TTN: variants seen among roughly 807,000 people sequenced by gnomAD.
TTN encodes connectin.
A neutral mutation model predicts 3,223.0 loss-of-function variants in TTN; 1,525 were observed. The ratio of observed to expected loss-of-function variants is 0.47; its 90% CI spans 0.45 to 0.49. TTN has a LOEUF of 0.49. Among genes scored for constraint, TTN ranks in the 20% least tolerant of loss-of-function variants. The pLI is 0.00. For missense variants in TTN, 40,786 were observed against 43,424.0 expected, an observed-to-expected ratio of 0.94 and a Z score of 5.40; for synonymous variants, 14,094 against 15,161.0, an observed-to-expected ratio of 0.93 and a Z score of 5.17.
intron 23 of TTN, 43 bp from the exon 24 acceptor site, chr2:178,779,161 A>G: frequency 1.2e-6 from 2 of 1,612,866 alleles, no homozygotes; most frequent in Non-Finnish European, 1.7e-6. Flanking sequence ...TTTACATCAA[A>G]TAGTTATATT....
intron 357 of TTN, 28 bp downstream of exon 357, chr2:178,535,954 A>G (rs1691296490): frequency 6.6e-7 from 1 of 1,522,614 alleles, no homozygotes; most frequent in African/African-American, 1.4e-5. Context: ...ATTTAGCCTC[A>G]ACTTGATGAT....
chr2:178,611,384 T>C lies in TTN; in HGVS notation c.50845A>G (p.Lys16949Glu), dbSNP rs1368701506. ...PSEISENVVA[K>E]DPDCKPTIDL... is the part of the protein sequence containing the mutation. ...CTTGTGCTCTTACAGTCTGGGTCTT[T>C]GGCAACCACATTTTCAGAGATTTCA... The change falls in exon 269 of 363, where the codon AAA (lysine) becomes GAA (glutamate). Residue 16949 changes from lysine (K) to glutamate (E), a missense_variant. Lys to Glu is a moderately conservative substitution (Grantham distance 56). Coordinates refer to ENST00000589042, the MANE Select transcript of TTN (RefSeq NM_001267550.2). The C allele has an allele frequency of 6.2e-7, 1 of 1,612,822 alleles. No individual in the cohort carries two copies. The highest frequency in any genetic ancestry group is 1.1e-5 in the South Asian group (1 of 91,050).
intron 321 of TTN, 92 bp downstream of exon 321, chr2:178,578,519 T>A (rs2046969108): frequency 1.1e-6 from 1 of 946,998 alleles, no homozygotes; most frequent in African/African-American, 1.7e-5. Context: ...AAGCAGATAA[T>A]GTTATCGATA....
At position 178,721,944 on chromosome 2, in the gene TTN, T is replaced by A; in HGVS notation, c.22719A>T (p.Arg7573Ser). The change falls in exon 78 of 363, where the codon AGA (arginine) becomes AGT (serine). Residue 7573 changes from arginine (R) to serine (S), a missense_variant. Arg to Ser is a moderately radical substitution (Grantham distance 110). Transcript: ENST00000589042. ...ITCVGNTPHL[R>S]ILKVGKGDSG... Reference sequence around the variant, plus strand: ...AGTCTCCTTTGCCTACTTTAAGAATTCTCAAATGAGGAGTGTTTCCCACAC... The same window carrying A: ...AGTCTCCTTTGCCTACTTTAAGAATACTCAAATGAGGAGTGTTTCCCACAC... 1 of 1,613,588 alleles carries A rather than the reference T, an allele frequency of 6.2e-7. No homozygotes were observed.
chr2:178,724,440 CAG>C lies in TTN; in HGVS notation c.20933_20934del (p.Ser6978CysfsTer2), dbSNP rs765017340. ...AGCTTTCCATCCTTGTACCATTCAACAGAGAGTTCCGGAGTGCCAGCCACCTT... is the reference window on the plus strand; with the variant it reads ...AGCTTTCCATCCTTGTACCATTCAACAGAGTTCCGGAGTGCCAGCCACCTT... ...ECKVAGTPEL[S>X]VEWYKDGKLL... On this transcript the variant is annotated frameshift_variant, in exon 72 of 363. Transcript: ENST00000589042. LOFTEE classifies it high-confidence loss of function. The C allele has an allele frequency of 2.5e-6, 4 of 1,613,458 alleles. No individual in the cohort carries two copies. The highest frequency in any genetic ancestry group is 3.4e-6 in the Non-Finnish European group (4 of 1,179,552).
chr2:178,625,830 C>T (rs906497902), intron 240 of TTN, among the ~76,000 whole-genome samples: 2 of 151,974 alleles, frequency 1.3e-5, no homozygotes, highest in African/African-American at 4.8e-5. Context: ...AAATGTGGCA[C>T]ATATACACCA....
Position 178,753,118 on chromosome 2 carries a change from C to G in TTN, c.11311+6G>C, listed in dbSNP as rs1326475316. The G allele has an allele frequency of 6.2e-7, 1 of 1,607,328 alleles. No individual in the cohort carries two copies. The highest frequency in any genetic ancestry group is 2.2e-5 in the East Asian group (1 of 44,542). ...TACTTAAATCTCACATCCATTATAA[C>G]AATACCTTTCATTTCCATCTCAATC... is the stretch of plus-strand genomic sequence containing the variant. On this transcript the variant is annotated splice_donor_region_variant and intron_variant, in intron 47 of 362. Coordinates refer to ENST00000589042, the MANE Select transcript of TTN (RefSeq NM_001267550.2).
At position 178,712,337 on chromosome 2, in the gene TTN, A is replaced by G. The variant is rs1280673837; in HGVS notation, c.27585T>C (p.Cys9195=). 1 of 1,613,740 alleles carries G rather than the reference A, an allele frequency of 6.2e-7. No homozygotes were observed. The highest frequency in any genetic ancestry group is 8.5e-7 in the Non-Finnish European group (1 of 1,179,712). The change falls in exon 95 of 363, where the codon TGT becomes TGC. Residue 9195 remains cysteine, a synonymous_variant. Transcript: ENST00000589042. ...YIENASGKDS[C]SAQILILEPP... Reference sequence around the variant, plus strand: ...AACCTAGTATGAGTATTTGTGCTGAACAGGAATCTTTTCCAGAGGCATTTT... The same window carrying G: ...AACCTAGTATGAGTATTTGTGCTGAGCAGGAATCTTTTCCAGAGGCATTTT...
Position 178,608,386 on chromosome 2 carries a change from G to A in TTN, c.52497C>T (p.Ser17499=). The A allele has an allele frequency of 6.2e-7, 1 of 1,611,054 alleles. No individual in the cohort carries two copies. Among genetic ancestry groups the A allele is most frequent in the East Asian group, 2.2e-5 (1 of 44,478 alleles). The change falls in exon 275 of 363, where the codon AGC becomes AGT. Residue 17499 remains serine (S), a synonymous_variant. Transcript: ENST00000589042. ...VKWNEPKDNG[S]PILGYWLEKR... is the part of the protein sequence containing the mutation. ...TTTCAAGCCAGTAACCCAAAATGGG[G>A]CTTCCATTATCTTTTGGTTCATTCC...
Position 178,571,266 on chromosome 2 carries a change from C to T in TTN, c.74866G>A (p.Val24956Ile), listed in dbSNP as rs375784858. 6.2e-7 allele frequency: 1 copy of T among 1,613,482 alleles called. No individual in the cohort carries two copies. Among genetic ancestry groups the T allele is most frequent in the African/African-American group, 1.3e-5 (1 of 74,990 alleles). Reference sequence around the variant, plus strand: ...GGAATAGGTGTTTTATTCAACTTAACCCAGAGGATGCTATTTCTTTCCTTG... The same window carrying T: ...GGAATAGGTGTTTTATTCAACTTAATCCAGAGGATGCTATTTCTTTCCTTG... ...ERKERNSILWVKLNKTPIPQT... is the reference protein window; with the variant it reads ...ERKERNSILWIKLNKTPIPQT... Residue 24956 changes from valine to isoleucine, a missense_variant, in exon 326 of 363, where the codon GTT (valine) becomes ATT (isoleucine). Coordinates refer to ENST00000589042, the MANE Select transcript of TTN (RefSeq NM_001267550.2).
Position 178,591,113 on chromosome 2 carries a change from C to T in TTN, c.60612G>A (p.Val20204=), listed in dbSNP as rs897086744. The change falls in exon 304 of 363, where the codon GTG becomes GTA. Residue 20204 remains valine, a synonymous_variant. Transcript: ENST00000589042. Reference sequence around the variant, plus strand: ...CTTGTTTCTCAACAATATAATTTATCACAGGGCTTCCTCCATCATCCTTAG... The same window carrying T: ...CTTGTTTCTCAACAATATAATTTATTACAGGGCTTCCTCCATCATCCTTAG... The part of the protein sequence containing the change: ...QPPKDDGGSP[V]INYIVEKQDT... The T allele has an allele frequency of 1.2e-6, 2 of 1,613,212 alleles. No homozygotes were observed. Among genetic ancestry groups the T allele is most frequent in the Non-Finnish European group, 1.7e-6 (2 of 1,179,482 alleles).
At chr2:178,681,586 C>A in intron 136 of TTN, 75 bp downstream of exon 136, 1 of 1,496,558 alleles carries the variant, frequency 6.7e-7, no homozygotes, top group Non-Finnish European at 9.1e-7. Context: ...GCCACTTTTA[C>A]ATATATTTTT....
chr2:178,584,611 T>C, intron 310 of TTN, 33 bp from the exon 311 acceptor site: 2 of 1,610,268 alleles, frequency 1.2e-6, no homozygotes, highest in East Asian at 4.5e-5. Context: ...TGTCAGTTTC[T>C]ACATTAAGTA....
intron 127 of TTN, 70 bp downstream of exon 127, chr2:178,688,041 G>A: frequency 7.7e-7 from 1 of 1,300,000 alleles, no homozygotes; most frequent in Non-Finnish European, 1.1e-6. Context: ...TCATTGGTCT[G>A]TAGACAATTT....
Position 178,653,229 on chromosome 2 carries a change from G to A in TTN, c.38791+9C>T, listed in dbSNP as rs1280497295. 6.2e-7 allele frequency: 1 copy of A among 1,611,502 alleles called. No homozygotes were observed. Among genetic ancestry groups the A allele is most frequent in the Non-Finnish European group, 8.5e-7 (1 of 1,179,210 alleles). ...AGATCATCTGAAGCCTAAGGTCAGT[G>A]ACAAATACCTTTAACAGGTGGGACT... On this transcript the variant is annotated intron_variant, in intron 198 of 362. Transcript: ENST00000589042.
At position 178,802,181 on chromosome 2, in the gene TTN, A is replaced by T. The variant is rs142851233; in HGVS notation, c.252T>A (p.Asn84Lys). The T allele has an allele frequency of 6.2e-7, 1 of 1,614,014 alleles. No homozygotes were observed. Among genetic ancestry groups the T allele is most frequent in the Non-Finnish European group, 8.5e-7 (1 of 1,180,004 alleles). ...CAGTACTAGTCGCTTGTCCAGATCCATTGGTGGCTTTCAGGGAATATCGTC... is the reference window on the plus strand; with the variant it reads ...CAGTACTAGTCGCTTGTCCAGATCCTTTGGTGGCTTTCAGGGAATATCGTC... ...NSGRYSLKATNGSGQATSTAE... is the reference protein window; with the variant it reads ...NSGRYSLKATKGSGQATSTAE... Residue 84 changes from asparagine (N) to lysine (K), a missense_variant, in exon 3 of 363, where the codon AAT (asparagine) becomes AAA (lysine). Asn to Lys is a moderately conservative substitution (Grantham distance 94, BLOSUM62 0). Coordinates refer to ENST00000589042, the MANE Select transcript of TTN (RefSeq NM_001267550.2).
chr2:178,665,018 T>C (rs898237474), intron 165 of TTN, 92 bp from the exon 166 acceptor site: 15 of 1,388,138 alleles, frequency 1.1e-5, no homozygotes, highest in Non-Finnish European at 1.5e-5. Context: ...CCACATTTTC[T>C]TCTCTTTCCT....
At position 178,566,981 on chromosome 2, in the gene TTN, A is replaced by G. The variant is rs1457832523; in HGVS notation, c.79151T>C (p.Phe26384Ser). 9 of 1,613,492 alleles carry G rather than the reference A, an allele frequency of 5.6e-6. No homozygotes were observed. The highest frequency in any genetic ancestry group is 1.3e-5 in the African/African-American group (1 of 74,884). Reference sequence around the variant, plus strand: ...GCTTTTTGGTGGTCCAGGAAGCACAAATGGATTTTTCATTAGTACTGGTGC... The same window carrying G: ...GCTTTTTGGTGGTCCAGGAAGCACAGATGGATTTTTCATTAGTACTGGTGC... ...ESAPVLMKNP[F>S]VLPGPPKSLE... The change falls in exon 326 of 363, where the codon TTT (phenylalanine) becomes TCT (serine). Residue 26384 changes from phenylalanine (F) to serine (S), a missense_variant. Phe to Ser is a radical substitution (Grantham distance 155). Transcript: ENST00000589042.
At chr2:178,677,117 T>C (rs2068243427) in intron 147 of TTN, 84 bp downstream of exon 147, 1 of 844,982 alleles carries the variant, frequency 1.2e-6, no homozygotes, top group Non-Finnish European at 1.5e-6. Flanking sequence ...TTTGTAAATA[T>C]AATTTTCCTA....
Sources: gnomAD v4.1 joint callset for allele counts (sites outside exome capture counted in the v4.1 genomes callset) on GRCh38, gnomAD v4.1.1 for gene constraint, MANE v1.5 for transcripts, NCBI Gene and HGNC (gene_info 2026-07-23, HGNC 2026-07-21) for gene names.